The following NRBF2 variants were observed in gnomAD, a reference collection of about 807,000 sequenced individuals.
NRBF2 encodes the protein nuclear receptor-binding factor 2.
NRBF2 carries 12 observed loss-of-function variants against 28.5 expected under a neutral mutation model. The observed-to-expected ratio is 0.42, with a 90% confidence interval of 0.27 to 0.68. The LOEUF (loss-of-function observed/expected upper bound fraction) is 0.68. Ranked by LOEUF, NRBF2 falls within the 30% of genes least tolerant of loss-of-function variation. The probability of loss-of-function intolerance (pLI) is 0.24; values close to 1 mark genes in which losing one functional copy is unlikely to be tolerated. For missense variants in NRBF2, 274 were observed against 333.5 expected (o/e 0.82, Z 1.39); for synonymous variants, 102 against 116.5 (o/e 0.88, Z 0.80).
intron 2 of NRBF2, among the ~76,000 whole-genome samples, chr10:63,146,929 A>AATAGAT (rs1841570357): frequency 6.6e-6 from 1 of 152,196 alleles, no homozygotes; most frequent in Admixed American, 6.5e-5. Context: ...TGAATTCAGA[A>AATAGAT]ATAGATCTTG....
chr10:63,152,252 T>C (rs988043081), intron 3 of NRBF2, 62 bp downstream of exon 3: 14 of 1,288,560 alleles, frequency 1.1e-5, no homozygotes, highest in Non-Finnish European at 1.6e-5. Context: ...GAGGCTTGAA[T>C]TGTGTGTAAA....
Position 63,136,454 on chromosome 10 carries a change from C to CA in NRBF2, c.30+2956dup, listed in dbSNP as rs561283199. 3.1e-3 allele frequency among the ~76,000 whole-genome samples: 473 copies of CA among 152,274 alleles called. 1 individual carries two copies. Among genetic ancestry groups the CA allele is most frequent in the Non-Finnish European group, 4.6e-3 (316 of 68,018 alleles). ...TTCTATACTCAGAGAGTTACTAATG[C>CA]AATAAGCTTTGTCAAATGACGTCGT... On this transcript the variant is annotated intron_variant, in intron 1 of 3. Coordinates refer to ENST00000277746, the MANE Select transcript of NRBF2 (RefSeq NM_030759.5).
intron 2 of NRBF2, chr10:63,150,152 A>G (rs908262493): frequency 6.6e-6 from 1 of 150,866 alleles, no homozygotes. Context: ...GGGTTTCACC[A>G]TGCTGGCCAG....
chr10:63,151,678 C>G lies in NRBF2; in HGVS notation c.116-472C>G, dbSNP rs373119212. Among the ~76,000 whole-genome samples the G allele has an allele frequency of 7.2e-5, 11 of 152,236 alleles. No individual in the cohort carries two copies. The East Asian group carries it at 7.7e-4, about 11-fold the overall frequency. On this transcript the variant is annotated intron_variant, in intron 2 of 3. Transcript: ENST00000277746. ...CTCGCAGTAAATATGTCAACAAGTT[C>G]TTAGGGCTTTTAACCATAAGGCTGA...
intron 1 of NRBF2, among the ~76,000 whole-genome samples, chr10:63,138,151 C>A (rs1223079013): frequency 6.6e-6 from 1 of 151,494 alleles, no homozygotes; most frequent in African/African-American, 2.4e-5. Flanking sequence ...CCTGTCTGTA[C>A]TAAAAACAAA....
chr10:63,144,516 G>A (rs534126110), intron 1 of NRBF2, among the ~76,000 whole-genome samples: 8 of 150,320 alleles, frequency 5.3e-5, no homozygotes, highest in African/African-American at 1.9e-4. Flanking sequence ...CCGGGTTCAC[G>A]CTATTCTCCT....
intron 3 of NRBF2, 107 bp downstream of exon 3, chr10:63,152,297 CA>C (rs1394417476): frequency 1.0e-5 from 8 of 786,910 alleles, no homozygotes; most frequent in Non-Finnish European, 1.7e-5. Flanking sequence ...ATGCTATAGT[CA>C]AAAATATATA....
At chr10:63,136,719 C>G (rs534141335) in intron 1 of NRBF2, among the ~76,000 whole-genome samples, 1 of 152,298 alleles carries the variant, frequency 6.6e-6, no homozygotes, top group African/African-American at 2.4e-5. Context: ...TCATCATGTT[C>G]ATTTCAGTAT....
At chr10:63,138,294 CAG>C (rs887393873) in intron 1 of NRBF2, among the ~76,000 whole-genome samples, 15 of 151,460 alleles carry the variant, frequency 9.9e-5, no homozygotes, top group African/African-American at 2.9e-4. Flanking sequence ...GCCTGGGTGA[CAG>C]AGTGAAACTC....
At chr10:63,135,546 G>A (rs772077946) in intron 1 of NRBF2, among the ~76,000 whole-genome samples, 2 of 152,086 alleles carry the variant, frequency 1.3e-5, no homozygotes, top group Non-Finnish European at 2.9e-5. Flanking sequence ...CCATAAAACG[G>A]AGCGAGTTTC....
chr10:63,147,671 T>C (rs1383541210), intron 2 of NRBF2, among the ~76,000 whole-genome samples: 2 of 150,368 alleles, frequency 1.3e-5, no homozygotes, highest in East Asian at 3.9e-4. Flanking sequence ...GTTTGTTACA[T>C]AGGTATACAC....
chr10:63,142,648 A>G (rs1841490967), intron 1 of NRBF2, among the ~76,000 whole-genome samples: 1 of 152,000 alleles, frequency 6.6e-6, no homozygotes, highest in African/African-American at 2.4e-5. Flanking sequence ...CTTTTCCCAA[A>G]ATACCTGTAT....
intron 2 of NRBF2, among the ~76,000 whole-genome samples, chr10:63,148,918 G>A (rs1459573234): frequency 6.6e-6 from 1 of 152,196 alleles, no homozygotes. Flanking sequence ...CATTTCAGAA[G>A]ATGAGCAGGC....
intron 2 of NRBF2, among the ~76,000 whole-genome samples, chr10:63,151,653 C>G (rs1841651428): frequency 6.6e-6 from 1 of 152,104 alleles, no homozygotes; most frequent in Admixed American, 6.5e-5. Context: ...CAGTAACTTC[C>G]TCGCAGTAAA....
intron 1 of NRBF2, among the ~76,000 whole-genome samples, chr10:63,139,405 G>A (rs186957497): frequency 8.5e-5 from 13 of 152,342 alleles, no homozygotes. Context: ...TTTTGGGAAA[G>A]AGGGTAGTAT....
In NRBF2 at chr10:63,142,780, C is replaced by CTTTTTTTTTTTTTTTTTTTTTTTTTT. The variant is rs781293012; in HGVS notation, c.31-3409_31-3408insTTTTTTTTTTTTTTTTTTTTTTTTTT. ...AGTCATTTCTTTTCTTTCTTTCTTT[C>CTTTTTTTTTTTTTTTTTTTTTTTTTT]TTTTTTTTTTTTTTTTTTTTGAGGC... On this transcript the variant is annotated intron_variant, in intron 1 of 3. Coordinates refer to ENST00000277746, the MANE Select transcript of NRBF2 (RefSeq NM_030759.5). 3.7e-4 allele frequency among the ~76,000 whole-genome samples: 28 copies of CTTTTTTTTTTTTTTTTTTTTTTTTTT among 74,900 alleles called. 4 individuals carry two copies. Among genetic ancestry groups the CTTTTTTTTTTTTTTTTTTTTTTTTTT allele is most frequent in the African/African-American group, 8.8e-4 (15 of 17,112 alleles). 49.1% of individuals were successfully genotyped at this position (74,900 alleles called of 152,430 possible).
chr10:63,145,460 C>T (rs1342780832), intron 1 of NRBF2, among the ~76,000 whole-genome samples: 2 of 152,358 alleles, frequency 1.3e-5, no homozygotes, highest in Middle Eastern at 3.4e-3. Flanking sequence ...CCGCCTGCCT[C>T]AGCCTCCCAA....
chr10:63,142,651 A>G (rs1055839557), intron 1 of NRBF2, among the ~76,000 whole-genome samples: 1 of 151,898 alleles, frequency 6.6e-6, no homozygotes, highest in Non-Finnish European at 1.5e-5. Flanking sequence ...TTCCCAAAAT[A>G]CCTGTATAAT....
chr10:63,143,748 GA>G (rs1302655677), intron 1 of NRBF2, among the ~76,000 whole-genome samples: 149 of 125,274 alleles, frequency 1.2e-3, no homozygotes, highest in African/African-American at 4.4e-3. Flanking sequence ...CACCATGCCC[GA>G]TTTTTTTTTT....
Sources: allele counts gnomAD v4.1 joint callset (sites outside exome capture counted in the v4.1 genomes callset), GRCh38; gene constraint gnomAD v4.1.1; transcripts MANE v1.5; gene names NCBI Gene and HGNC (gene_info 2026-07-23, HGNC 2026-07-21).